Variants in POFUT3 observed in about 807,000 individuals in gnomAD.
POFUT3 encodes the protein GDP-fucose protein O-fucosyltransferase 3.
At chr8:33,363,127 G>A in the POFUT3 span, among the ~76,000 whole-genome samples, 6 of 152,178 alleles carry the variant, frequency 3.9e-5, no homozygotes, top group East Asian at 3.9e-4. Context: ...ACTCAAAACC[G>A]CACAACTACA....
chr8:33,389,808 GA>G, the POFUT3 span: 1 of 1,566,628 alleles, frequency 6.4e-7, no homozygotes, highest in Middle Eastern at 1.7e-4. Context: ...CCTAGGAGAA[GA>G]AAATGAGATA....
At chr8:33,332,211 C>T in the POFUT3 span, among the ~76,000 whole-genome samples, 1 of 145,500 alleles carries the variant, frequency 6.9e-6, no homozygotes, top group Non-Finnish European at 1.5e-5. Flanking sequence ...AAGCCAGGAG[C>T]GGTGGCTCAT....
chr8:33,454,305 G>A, the POFUT3 span, among the ~76,000 whole-genome samples: 1 of 152,150 alleles, frequency 6.6e-6, no homozygotes, highest in Non-Finnish European at 1.5e-5. Flanking sequence ...CACCATTCTT[G>A]ACTCATGGCC....
chr8:33,420,102 C>G, the POFUT3 span, among the ~76,000 whole-genome samples: 1 of 151,868 alleles, frequency 6.6e-6, no homozygotes, highest in East Asian at 1.9e-4. Flanking sequence ...GTACTCTAGC[C>G]TGGGAAACAA....
At chr8:33,397,878 C>G in the POFUT3 span, among the ~76,000 whole-genome samples, 1 of 152,174 alleles carries the variant, frequency 6.6e-6, no homozygotes, top group African/African-American at 2.4e-5. Context: ...GTCAACATAT[C>G]TGGAGACAGA....
the POFUT3 span, among the ~76,000 whole-genome samples, chr8:33,448,114 G>A: frequency 6.6e-6 from 1 of 152,066 alleles, no homozygotes; most frequent in East Asian, 1.9e-4. Context: ...GCGAGGCAGA[G>A]AGACTGCTCG....
chr8:33,362,529 C>T, the POFUT3 span, among the ~76,000 whole-genome samples: 17 of 151,674 alleles, frequency 1.1e-4, no homozygotes, highest in East Asian at 3.9e-4. Flanking sequence ...ACCCGTCTCA[C>T]GTGCAAAGAT....
the POFUT3 span, among the ~76,000 whole-genome samples, chr8:33,469,044 G>A: frequency 6.6e-6 from 1 of 152,164 alleles, no homozygotes; most frequent in African/African-American, 2.4e-5. Flanking sequence ...AGTGGTGCAT[G>A]CCTGTAATGC....
the POFUT3 span, among the ~76,000 whole-genome samples, chr8:33,454,134 A>T: frequency 6.6e-6 from 1 of 152,132 alleles, no homozygotes; most frequent in African/African-American, 2.4e-5. Context: ...CTCAAAAACC[A>T]ATCAATCAAT....
At chr8:33,438,799 G>C in the POFUT3 span, among the ~76,000 whole-genome samples, 1 of 152,250 alleles carries the variant, frequency 6.6e-6, no homozygotes, top group Admixed American at 6.5e-5. Context: ...CGAGCGAAAG[G>C]GGAAGCAGAC....
chr8:33,372,811 GAAGAGAA>G, the POFUT3 span: 1 of 1,610,632 alleles, frequency 6.2e-7, no homozygotes, highest in Non-Finnish European at 8.5e-7. Context: ...AGCCCTGCAG[GAAGAGAA>G]AAGAGAAATG....
At chr8:33,436,850 A>G in the POFUT3 span, 1 of 414,262 alleles carries the variant, frequency 2.4e-6, no homozygotes. Flanking sequence ...TAGGGTATGA[A>G]TGATCTCGTT....
At chr8:33,404,066 G>A in the POFUT3 span, among the ~76,000 whole-genome samples, 202 of 151,934 alleles carry the variant, frequency 1.3e-3, no homozygotes, top group African/African-American at 4.8e-3. Context: ...GGCCGGGCGC[G>A]GTAGCTCACA....
the POFUT3 span, among the ~76,000 whole-genome samples, chr8:33,360,122 G>A: frequency 6.6e-6 from 1 of 151,958 alleles, no homozygotes; most frequent in Non-Finnish European, 1.5e-5. Flanking sequence ...ATCCAGCAAA[G>A]TACCTGGCAC....
At chr8:33,397,778 C>T in the POFUT3 span, among the ~76,000 whole-genome samples, 2 of 152,166 alleles carry the variant, frequency 1.3e-5, no homozygotes, top group Non-Finnish European at 2.9e-5. Flanking sequence ...GATTGGGACA[C>T]GTTCCTCACT....
the POFUT3 span, among the ~76,000 whole-genome samples, chr8:33,404,683 A>G: frequency 6.6e-6 from 1 of 152,066 alleles, no homozygotes; most frequent in Non-Finnish European, 1.5e-5. Context: ...AGGTCTCATC[A>G]CATTTGGAAA....
At chr8:33,427,402 G>A in the POFUT3 span, among the ~76,000 whole-genome samples, 3 of 151,568 alleles carry the variant, frequency 2.0e-5, no homozygotes, top group Admixed American at 1.3e-4. Context: ...ACATGGAGAA[G>A]CCCCGTCTCT....
chr8:33,323,933 A>G, the POFUT3 span, among the ~76,000 whole-genome samples: 2 of 152,178 alleles, frequency 1.3e-5, no homozygotes, highest in Non-Finnish European at 2.9e-5. Context: ...ACTCAGAAAT[A>G]TACAATGACT....
At chr8:33,320,293 A>G in the POFUT3 span, among the ~76,000 whole-genome samples, 1 of 152,108 alleles carries the variant, frequency 6.6e-6, no homozygotes, top group East Asian at 1.9e-4. Context: ...AGAACAAAAT[A>G]AAGTTATGAT....
Sources: gnomAD v4.1 joint callset for allele counts (sites outside exome capture counted in the v4.1 genomes callset) on GRCh38, gnomAD v4.1.1 for gene constraint, MANE v1.5 for transcripts, NCBI Gene and HGNC (gene_info 2026-07-23, HGNC 2026-07-21) for gene names.